MYO18B: variants seen among roughly 807,000 people sequenced by gnomAD.
The protein encoded by MYO18B is myosin XVIIIB, also known as unconventional myosin-XVIIIb.
A neutral mutation model predicts 273.0 loss-of-function variants in MYO18B; 204 were observed. The ratio of observed to expected loss-of-function variants is 0.75; its 90% confidence interval spans 0.67 to 0.84. The LOEUF is 0.84. Among genes scored for constraint, MYO18B ranks in the 40% least tolerant of loss-of-function variants. The pLI is 0.00. For synonymous variants in MYO18B, 1,330 were observed against 1,305.7 expected (o/e 1.02, Z -0.40); for missense variants, 3,212 against 3,287.6 (o/e 0.98, Z 0.56).
Position 26,026,440 on chromosome 22 carries a change from C to T in MYO18B, c.6471-5C>T. 1 of 1,596,122 alleles carries T rather than the reference C, an allele frequency of 6.3e-7. No homozygotes were observed. The highest frequency in any genetic ancestry group is 2.2e-5 in the East Asian group (1 of 44,600). On this transcript the variant is annotated splice_region_variant and splice_polypyrimidine_tract_variant and intron_variant, in intron 42 of 43. Coordinates refer to ENST00000335473, the MANE Select transcript of MYO18B (RefSeq NM_032608.7). Reference sequence around the variant, plus strand: ...CTACAGACTGCATTTTTCTTCTTGGCACAGGATAAACGAAGAGGCTGGGGA... The same window carrying T: ...CTACAGACTGCATTTTTCTTCTTGGTACAGGATAAACGAAGAGGCTGGGGA...
chr22:25,888,474 C>A (rs5752241), intron 25 of MYO18B, among the ~76,000 whole-genome samples: 2 of 152,130 alleles, frequency 1.3e-5, no homozygotes. Flanking sequence ...GTTGCCCAGG[C>A]TGGTCTTGAA....
intron 39 of MYO18B, among the ~76,000 whole-genome samples, chr22:25,972,090 G>C (rs2146739338): frequency 1.3e-5 from 2 of 151,394 alleles, no homozygotes; most frequent in Admixed American, 1.3e-4. Flanking sequence ...ATTCCAGCCT[G>C]GGTGACAGAG....
intron 39 of MYO18B, among the ~76,000 whole-genome samples, chr22:25,973,711 T>C (rs2093059938): frequency 6.6e-6 from 1 of 152,216 alleles, no homozygotes; most frequent in African/African-American, 2.4e-5. Flanking sequence ...AGGCATGATC[T>C]CAAACAAGCA....
chr22:26,031,562 A>G (rs1936667315), downstream of MYO18B, among the ~76,000 whole-genome samples: 1 of 152,156 alleles, frequency 6.6e-6, no homozygotes, highest in South Asian at 2.1e-4. Flanking sequence ...TAAATACCCT[A>G]CCTTTAAATT....
chr22:25,863,503 A>G (rs968157589), intron 21 of MYO18B, among the ~76,000 whole-genome samples: 9 of 152,354 alleles, frequency 5.9e-5, no homozygotes, highest in African/African-American at 1.7e-4. Context: ...CTAAAATTAC[A>G]GGATCTGTCT....
At chr22:25,744,659 G>A (rs190857175) in intron 1 of MYO18B, among the ~76,000 whole-genome samples, 2,039 of 152,236 alleles carry the variant, frequency 0.013, 50 homozygotes, top group African/African-American at 0.046. Context: ...GCATGAACCT[G>A]GGAGGTGGAG....
intron 42 of MYO18B, among the ~76,000 whole-genome samples, chr22:26,008,190 G>T (rs1934591986): frequency 6.6e-6 from 1 of 152,152 alleles, no homozygotes; most frequent in South Asian, 2.1e-4. Context: ...TTTAACTATA[G>T]TGTCTTTATT....
At chr22:25,858,138 T>TGG (rs1347649564) in intron 21 of MYO18B, among the ~76,000 whole-genome samples, 1 of 152,252 alleles carries the variant, frequency 6.6e-6, no homozygotes, top group East Asian at 1.9e-4. Context: ...TGGAATGATT[T>TGG]GGCCACTTGT....
chr22:25,763,945 A>T (rs1290531644), intron 3 of MYO18B, among the ~76,000 whole-genome samples: 1 of 152,200 alleles, frequency 6.6e-6, no homozygotes, highest in Non-Finnish European at 1.5e-5. Flanking sequence ...GTGTAGTTGC[A>T]TTGATTGTTA....
intron 28 of MYO18B, 164 bp downstream of exon 28, chr22:25,895,444 T>C: frequency 2.7e-6 from 2 of 753,162 alleles, no homozygotes; most frequent in South Asian, 2.0e-5. Context: ...TGCTGGTCAC[T>C]GTGAGACATG....
At chr22:25,788,346 T>C (rs758488058) in intron 11 of MYO18B, among the ~76,000 whole-genome samples, 4 of 152,224 alleles carry the variant, frequency 2.6e-5, no homozygotes, top group Non-Finnish European at 4.4e-5. Context: ...TGGGAGTTGC[T>C]AAGTCCCCAA....
In MYO18B at chr22:25,890,794, C is replaced by T; in HGVS notation, c.4353C>T (p.Phe1451=). 1 of 1,613,954 alleles carries T rather than the reference C, an allele frequency of 6.2e-7. No homozygotes were observed. The highest frequency in any genetic ancestry group is 8.5e-7 in the Non-Finnish European group (1 of 1,179,888). ...CCTCTGACCTTGCCGATGAGCGCTT[C>T]AAAGGTGATGTGGCCTGCCAGGTGC... The part of the protein sequence containing the change: ...DLTSDLADER[F]KGDVACQVLE... The change falls in exon 26 of 44, where the codon TTC becomes TTT. Residue 1451 remains phenylalanine, a synonymous_variant. Coordinates refer to ENST00000335473, the MANE Select transcript of MYO18B (RefSeq NM_032608.7).
Position 25,874,410 on chromosome 22 carries a change from T to TG in MYO18B, c.4077dup (p.Lys1360GlufsTer37). On this transcript the variant is annotated frameshift_variant, in exon 23 of 44. Transcript: ENST00000335473. LOFTEE classifies it high-confidence loss of function. Reference sequence around the variant, plus strand: ...CTGTCTCGCCAGGAATTCAAGAAGCTGAAGGTACTGCATGCCGTTCCCATG... The same window carrying TG: ...CTGTCTCGCCAGGAATTCAAGAAGCTGGAAGGTACTGCATGCCGTTCCCATG... 2 of 1,613,348 alleles carry TG rather than the reference T, an allele frequency of 1.2e-6. No homozygotes were observed. Among genetic ancestry groups the TG allele is most frequent in the Non-Finnish European group, 1.7e-6 (2 of 1,179,558 alleles).
chr22:26,042,763 T>C, the MYO18B span, among the ~76,000 whole-genome samples: 1,278 of 152,346 alleles, frequency 8.4e-3, 18 homozygotes, highest in African/African-American at 0.028. Flanking sequence ...CAAGCATTTA[T>C]TGAGTACCTA....
At chr22:25,787,272 G>GCGCGCACACA (rs1482737296) in intron 11 of MYO18B, among the ~76,000 whole-genome samples, 22 of 136,710 alleles carry the variant, frequency 1.6e-4, no homozygotes, top group African/African-American at 5.1e-4. Context: ...GCAGGCGCGC[G>GCGCGCACACA]CACACACACA....
At chr22:25,897,672 A>G (rs1478590540) in intron 28 of MYO18B, 1 of 152,230 alleles carries the variant, frequency 6.6e-6, no homozygotes, top group Non-Finnish European at 1.5e-5. Context: ...TTGCTTATTT[A>G]AAGCAATTTT....
intron 39 of MYO18B, among the ~76,000 whole-genome samples, chr22:25,967,816 T>G (rs2092995530): frequency 6.6e-6 from 1 of 152,182 alleles, no homozygotes; most frequent in East Asian, 1.9e-4. Flanking sequence ...GAATTCGGTG[T>G]GCTGGGGTCA....
intron 36 of MYO18B, among the ~76,000 whole-genome samples, chr22:25,948,494 T>C: frequency 2.1e-5 from 3 of 145,802 alleles, no homozygotes; most frequent in African/African-American, 5.1e-5. Flanking sequence ...TTCTCTTTCT[T>C]TCTTTCCTCT....
At chr22:25,812,159 C>G (rs986210998) in intron 12 of MYO18B, among the ~76,000 whole-genome samples, 1 of 152,190 alleles carries the variant, frequency 6.6e-6, no homozygotes, top group African/African-American at 2.4e-5. Context: ...GGGACTTGCT[C>G]TTTCCACTTT....
Sources: allele counts gnomAD v4.1 joint callset (sites outside exome capture counted in the v4.1 genomes callset), GRCh38; gene constraint gnomAD v4.1.1; transcripts MANE v1.5; gene names NCBI Gene and HGNC (gene_info 2026-07-23, HGNC 2026-07-21).